The following AGPAT3 variants were observed in gnomAD, a reference collection of about 807,000 sequenced individuals.
The protein encoded by AGPAT3 is 1-acylglycerol-3-phosphate O-acyltransferase 3, also known as 1-acyl-sn-glycerol-3-phosphate acyltransferase gamma.
A neutral mutation model predicts 47.3 loss-of-function variants in AGPAT3; 5 were observed. The observed-to-expected ratio is 0.11, with a 90% CI of 0.06 to 0.22. The LOEUF is 0.22. AGPAT3 is among the 10% of genes least tolerant of loss of function. The probability of loss-of-function intolerance (pLI) is 1.00; values close to 1 mark genes in which losing one functional copy is unlikely to be tolerated. For synonymous variants in AGPAT3, 212 were observed against 208.3 expected, an observed-to-expected ratio of 1.02 and a Z score of -0.15; for missense variants, 315 against 493.0, an observed-to-expected ratio of 0.64 and a Z score of 3.42.
chr21:43,921,503 C>G (rs1196076845), intron 2 of AGPAT3, among the ~76,000 whole-genome samples: 1 of 152,184 alleles, frequency 6.6e-6, no homozygotes, highest in Non-Finnish European at 1.5e-5. Context: ...GTGGGGCAGT[C>G]TCCAGGGCGA....
At chr21:43,891,551 T>C (rs1198541412) in intron 1 of AGPAT3, among the ~76,000 whole-genome samples, 2 of 151,252 alleles carry the variant, frequency 1.3e-5, no homozygotes, top group African/African-American at 4.9e-5. Context: ...GAGAATGGCG[T>C]GAACCCGGGA....
chr21:43,974,930 G>A (rs1174178048), intron 7 of AGPAT3, among the ~76,000 whole-genome samples: 5 of 152,226 alleles, frequency 3.3e-5, no homozygotes, highest in African/African-American at 7.2e-5. Flanking sequence ...TTACTGGGAC[G>A]TGATGTTGTC....
chr21:43,883,417 T>G (rs2085898044), intron 1 of AGPAT3, among the ~76,000 whole-genome samples: 1 of 152,120 alleles, frequency 6.6e-6, no homozygotes. Context: ...GCCCCTTGCA[T>G]AAATAAGATG....
intron 1 of AGPAT3, among the ~76,000 whole-genome samples, chr21:43,896,145 C>T (rs1033213118): frequency 6.6e-6 from 1 of 152,220 alleles, no homozygotes; most frequent in Non-Finnish European, 1.5e-5. Context: ...CTCAAGTGAT[C>T]CACCTGCCTT....
At chr21:43,961,117 TG>T (rs1418988168) in intron 3 of AGPAT3, among the ~76,000 whole-genome samples, 1 of 149,456 alleles carries the variant, frequency 6.7e-6, no homozygotes, top group Non-Finnish European at 1.5e-5. Context: ...CACTCCAGCC[TG>T]GGCAACAGAG....
chr21:43,909,364 C>T (rs1339451541), intron 2 of AGPAT3, among the ~76,000 whole-genome samples: 2 of 149,414 alleles, frequency 1.3e-5, no homozygotes, highest in Non-Finnish European at 3.0e-5. Context: ...GGCGTGATCT[C>T]GGCTCACCGC....
At chr21:43,885,545 T>G (rs1004382603) in intron 1 of AGPAT3, among the ~76,000 whole-genome samples, 4 of 152,078 alleles carry the variant, frequency 2.6e-5, no homozygotes, top group African/African-American at 9.7e-5. Flanking sequence ...CACGCCACCA[T>G]GCCTGGCTAA....
rs756120469 is a variant in AGPAT3 at position 43,959,744 on chromosome 21, C to T, written c.63C>T (p.Phe21=). ...TGCACCTGCTGGTCGGCTTTGTCTT[C>T]GTGGTGAGTGGTCTGGTCATCAACT... The part of the protein sequence containing the change: ...FVLHLLVGFV[F]VVSGLVINFV... The change falls in exon 3 of 10, where the codon TTC becomes TTT. Residue 21 remains phenylalanine (F), a synonymous_variant. Coordinates refer to ENST00000291572, the MANE Select transcript of AGPAT3 (RefSeq NM_020132.5). 3.5e-5 allele frequency: 57 copies of T among 1,613,914 alleles called. No homozygotes were observed. Among genetic ancestry groups the T allele is most frequent in the Admixed American group, 1.8e-4 (11 of 60,020 alleles).
At chr21:43,959,980 GC>G in intron 3 of AGPAT3, 121 bp downstream of exon 3, 1 of 1,117,546 alleles carries the variant, frequency 8.9e-7, no homozygotes, top group Non-Finnish European at 1.3e-6. Flanking sequence ...AGGTGCCGAG[GC>G]CATCTGGCTG....
intron 3 of AGPAT3, chr21:43,966,390 G>A (rs1012343369): frequency 1.3e-5 from 2 of 152,314 alleles, no homozygotes; most frequent in Non-Finnish European, 2.9e-5. Flanking sequence ...GCCCCTGCCA[G>A]GGCAGGCCTG....
At chr21:43,980,646 C>T (rs1219668235) in intron 8 of AGPAT3, among the ~76,000 whole-genome samples, 1 of 152,242 alleles carries the variant, frequency 6.6e-6, no homozygotes, top group African/African-American at 2.4e-5. Context: ...CCCCCACTGC[C>T]TCTGGCTCGT....
intron 1 of AGPAT3, chr21:43,867,787 C>G (rs1204459691): frequency 6.6e-6 from 1 of 152,192 alleles, no homozygotes; most frequent in Non-Finnish European, 1.5e-5. Context: ...GCTGCTCCAT[C>G]TCATTGCAAG....
At chr21:43,977,842 G>T (rs559902141) in intron 7 of AGPAT3, among the ~76,000 whole-genome samples, 2 of 150,984 alleles carry the variant, frequency 1.3e-5, no homozygotes, top group South Asian at 2.1e-4. Context: ...AGCAGAGATC[G>T]CACCAGTGCT....
At chr21:43,943,725 G>A (rs1291328004) in intron 2 of AGPAT3, among the ~76,000 whole-genome samples, 1 of 152,226 alleles carries the variant, frequency 6.6e-6, no homozygotes, top group Non-Finnish European at 1.5e-5. Context: ...CCCCGGGAGG[G>A]GAGGTTGGAG....
chr21:43,966,803 G>A lies in AGPAT3; in HGVS notation c.179-1143G>A, dbSNP rs112535509. The A allele has an allele frequency of 8.5e-3, 1,291 of 152,408 alleles. 17 individuals carry two copies. The highest frequency in any genetic ancestry group is 0.048 in the Middle Eastern group (14 of 294). The allele number at this position is 152,408 out of a possible 1,614,324, so 9.4% of individuals were successfully genotyped here. ...CACTTCAGAGCTGGGCTGGTGTCCAGCGCGAGAAGCCTGAGGCCGTCCTGA... is the reference window on the plus strand; with the variant it reads ...CACTTCAGAGCTGGGCTGGTGTCCAACGCGAGAAGCCTGAGGCCGTCCTGA... On this transcript the variant is annotated intron_variant, in intron 3 of 9. Transcript: ENST00000291572.
chr21:43,919,961 A>T (rs2086849946), intron 2 of AGPAT3: 1 of 152,192 alleles, frequency 6.6e-6, no homozygotes, highest in Non-Finnish European at 1.5e-5. Flanking sequence ...CTTTGGTTCC[A>T]TGGTGTTTTC....
At chr21:43,958,732 G>GTA (rs2088622079) in intron 2 of AGPAT3, among the ~76,000 whole-genome samples, 1 of 147,492 alleles carries the variant, frequency 6.8e-6, no homozygotes, top group Non-Finnish European at 1.5e-5. Context: ...TGGTGTGTGT[G>GTA]GCATGTGTGT....
intron 2 of AGPAT3, among the ~76,000 whole-genome samples, chr21:43,946,117 C>G (rs1361133783): frequency 3.3e-5 from 5 of 152,218 alleles, no homozygotes; most frequent in African/African-American, 1.2e-4. Context: ...CCCCTGCAGG[C>G]CCTGTCTCTC....
chr21:43,937,413 C>A (rs1036296446), intron 2 of AGPAT3, among the ~76,000 whole-genome samples: 26 of 152,200 alleles, frequency 1.7e-4, no homozygotes, highest in African/African-American at 6.0e-4. Flanking sequence ...GCGCAAGGCC[C>A]CTGACTATAT....
Sources: allele counts gnomAD v4.1 joint callset (sites outside exome capture counted in the v4.1 genomes callset), GRCh38; gene constraint gnomAD v4.1.1; transcripts MANE v1.5; gene names NCBI Gene and HGNC (gene_info 2026-07-23, HGNC 2026-07-21).